Variants in ARHGAP32 observed in about 807,000 individuals in gnomAD.
The protein encoded by ARHGAP32 is rho GTPase-activating protein 32.
A neutral mutation model predicts 186.5 loss-of-function variants in ARHGAP32; 51 were observed. The ratio of observed to expected loss-of-function variants is 0.27; its 90% CI spans 0.22 to 0.35. The LOEUF is 0.35. ARHGAP32 is among the 10% of genes least tolerant of loss of function. The pLI, the probability that ARHGAP32 is intolerant of heterozygous loss-of-function variation, is 1.00. For synonymous variants in ARHGAP32, 950 were observed against 964.3 expected, an observed-to-expected ratio of 0.99 and a Z score of 0.27; for missense variants, 2,186 against 2,623.5, an observed-to-expected ratio of 0.83 and a Z score of 3.64.
At chr11:129,024,161 G>A in intron 11 of ARHGAP32, 5 of 985,438 alleles carry the variant, frequency 5.1e-6, no homozygotes, top group Non-Finnish European at 4.8e-6. Flanking sequence ...GCCTCCAGGA[G>A]CTTAATCCTC....
intron 11 of ARHGAP32, among the ~76,000 whole-genome samples, chr11:129,008,299 T>C (rs142390760): frequency 1.3e-5 from 2 of 152,186 alleles, no homozygotes; most frequent in Non-Finnish European, 2.9e-5. Flanking sequence ...TTTGGCCATC[T>C]TCCTTTGCCC....
rs750353505 is a variant in ARHGAP32, at chr11:129,085,774, C to T, written c.531+7847G>A. Among the ~76,000 whole-genome samples, 15 of 151,976 alleles carry T rather than the reference C, an allele frequency of 9.9e-5. No homozygotes were observed. In the East Asian group the frequency reaches 1.4e-3, roughly 14 times the overall value. On this transcript the variant is annotated intron_variant, in intron 6 of 22. Coordinates refer to ENST00000682385, the MANE Select transcript of ARHGAP32 (RefSeq NM_001378024.1). Reference sequence around the variant, plus strand: ...ATCCCAGCACTTTGGGAGGCTGAGACGGGCAGCAGGAGCTTGACACCATCC... The same window carrying T: ...ATCCCAGCACTTTGGGAGGCTGAGATGGGCAGCAGGAGCTTGACACCATCC...
intron 11 of ARHGAP32, among the ~76,000 whole-genome samples, chr11:129,020,652 T>C (rs1938552351): frequency 6.6e-6 from 1 of 152,096 alleles, no homozygotes. Context: ...TGAAAACTTA[T>C]AATCTATCAG....
At position 129,123,226 on chromosome 11, in the gene ARHGAP32, T is replaced by C. The variant is rs1942575803; in HGVS notation, c.444+220A>G. On this transcript the variant is annotated intron_variant, in intron 5 of 22. Coordinates refer to ENST00000682385, the MANE Select transcript of ARHGAP32 (RefSeq NM_001378024.1). This position sits in a 1 kb window ranked among gnomAD's most constrained non-coding sequence, Gnocchi z 4.6. The stretch of plus-strand genomic sequence containing the variant: ...GGGGACAGGACTGATTTTCCTTAAC[T>C]GATACATGTTAGTGTGATGGTTACT... Among the ~76,000 whole-genome samples the C allele has an allele frequency of 6.6e-6, 1 of 152,068 alleles. No individual in the cohort carries two copies. The highest frequency in any genetic ancestry group is 6.6e-5 in the Admixed American group (1 of 15,258).
chr11:129,165,087 G>T (rs1490974986), intron 1 of ARHGAP32, among the ~76,000 whole-genome samples: 1 of 152,090 alleles, frequency 6.6e-6, no homozygotes, highest in Non-Finnish European at 1.5e-5. Flanking sequence ...ATCTTAGTGG[G>T]ATGAGAAGGC....
rs1942582305 is a variant in ARHGAP32, at chr11:129,123,454, T to C, written c.436A>G (p.Ser146Gly). ...HFHYENVEFG[S>G]IQLSLSEEQN... ...GAAATATTTCAGTATACCTGTATGC[T>C]GCCGAACTCAACATTCTCATAATGG... The change falls in exon 5 of 23, where the codon AGC (serine) becomes GGC (glycine). Residue 146 changes from serine to glycine, a missense_variant. Physicochemically the swap from Ser to Gly is moderately conservative, Grantham distance 56 (BLOSUM62 0). Transcript: ENST00000682385. This position sits in a 1 kb window ranked among gnomAD's most constrained non-coding sequence, Gnocchi z 4.6. 3 of 1,612,560 alleles carry C rather than the reference T, an allele frequency of 1.9e-6. No individual in the cohort carries two copies. The highest frequency in any genetic ancestry group is 2.5e-6 in the Non-Finnish European group (3 of 1,178,886).
chr11:129,023,323 A>G (rs1049906823), intron 11 of ARHGAP32, among the ~76,000 whole-genome samples: 12 of 152,224 alleles, frequency 7.9e-5, no homozygotes, highest in Non-Finnish European at 1.6e-4. Flanking sequence ...GGGAAGAACC[A>G]TACTTGAAGG....
intron 1 of ARHGAP32, among the ~76,000 whole-genome samples, chr11:129,233,744 GAATA>G (rs1290776254): frequency 3.3e-5 from 5 of 151,640 alleles, no homozygotes; most frequent in Admixed American, 1.3e-4. Flanking sequence ...GTATTACACG[GAATA>G]AATGAGAAAA....
intron 1 of ARHGAP32, among the ~76,000 whole-genome samples, chr11:129,197,957 T>C (rs371705057): frequency 6.6e-6 from 1 of 152,218 alleles, no homozygotes. Context: ...TTCTTATGCA[T>C]ACTATGGCAA....
intron 1 of ARHGAP32, among the ~76,000 whole-genome samples, chr11:129,178,232 C>A (rs1430852936): frequency 1.3e-5 from 2 of 152,038 alleles, no homozygotes; most frequent in Non-Finnish European, 2.9e-5. Flanking sequence ...ATCCAACTTA[C>A]AAGGGATGTG....
intron 5 of ARHGAP32, among the ~76,000 whole-genome samples, chr11:129,099,059 G>A (rs951952228): frequency 4.6e-5 from 7 of 151,944 alleles, no homozygotes; most frequent in African/African-American, 1.4e-4. Context: ...GGAATATAGG[G>A]AAAAAAGCTA....
At chr11:129,178,505 A>G (rs1407817802) in intron 1 of ARHGAP32, among the ~76,000 whole-genome samples, 1 of 152,192 alleles carries the variant, frequency 6.6e-6, no homozygotes, top group Non-Finnish European at 1.5e-5. Flanking sequence ...AGCCAAAAGA[A>G]CAAAGCCGGA....
At chr11:128,999,390 A>AC (rs1946291304) in intron 11 of ARHGAP32, among the ~76,000 whole-genome samples, 1 of 152,144 alleles carries the variant, frequency 6.6e-6, no homozygotes, top group Non-Finnish European at 1.5e-5. Context: ...TATCAATGAC[A>AC]ATGCATGCAC....
intron 2 of ARHGAP32, chr11:129,125,836 T>G: frequency 2.4e-6 from 1 of 422,448 alleles, no homozygotes; most frequent in Non-Finnish European, 4.6e-6. Flanking sequence ...TTATAAGGGT[T>G]GGTATTTCAT....
At chr11:129,221,398 G>C (rs539609822) in intron 1 of ARHGAP32, among the ~76,000 whole-genome samples, 7 of 151,650 alleles carry the variant, frequency 4.6e-5, no homozygotes, top group Admixed American at 1.3e-4. Flanking sequence ...CTAAAGGAAG[G>C]GGTGGGCTGA....
Position 129,128,637 on chromosome 11 carries a change from G to A in ARHGAP32, c.226-3743C>T, listed in dbSNP as rs1246239392. 4.8e-5 allele frequency among the ~76,000 whole-genome samples: 6 copies of A among 124,778 alleles called. No homozygotes were observed. In the East Asian group the frequency reaches 1.1e-3, roughly 23 times the overall value. 81.9% of individuals were successfully genotyped at this position (124,778 alleles called of 152,430 possible). A position where few individuals can be genotyped will look rare whatever the true frequency, so the allele number is the denominator to read the frequency against. On this transcript the variant is annotated intron_variant, in intron 2 of 22. Transcript: ENST00000682385. ...TGATGCCACCAAAGTTGTGAAAGCC[G>A]AGGCTGGACTGTACTGCCGCCATCT...
At chr11:129,064,652 G>C (rs1157327236) in intron 8 of ARHGAP32, among the ~76,000 whole-genome samples, 189 bp downstream of exon 8, 2 of 152,046 alleles carry the variant, frequency 1.3e-5, no homozygotes, top group Non-Finnish European at 2.9e-5. Flanking sequence ...TAGTTTCCAA[G>C]ATTATCAAAG....
intron 1 of ARHGAP32, among the ~76,000 whole-genome samples, chr11:129,201,727 T>A (rs2135576293): frequency 6.6e-6 from 1 of 152,200 alleles, no homozygotes; most frequent in South Asian, 2.1e-4. Context: ...ACACCTGTAA[T>A]TCCAGTACTT....
intron 1 of ARHGAP32, among the ~76,000 whole-genome samples, chr11:129,237,683 C>T (rs1012597485): frequency 3.9e-5 from 6 of 152,036 alleles, no homozygotes; most frequent in Non-Finnish European, 5.9e-5. Context: ...TGCAACAGTA[C>T]GGTGAGGGCA....
Sources: allele counts gnomAD v4.1 joint callset (sites outside exome capture counted in the v4.1 genomes callset), GRCh38; gene constraint gnomAD v4.1.1; non-coding constraint Gnocchi (gnomAD v3.1); transcripts MANE v1.5; gene names NCBI Gene and HGNC (gene_info 2026-07-23, HGNC 2026-07-21).